The following ASTN2 variants were observed in gnomAD, a reference collection of about 807,000 sequenced individuals.
ASTN2 encodes the protein astrotactin-2.
A neutral mutation model predicts 139.8 loss-of-function variants in ASTN2; 54 were observed. The observed-to-expected ratio is 0.39, with a 90% CI of 0.31 to 0.48. ASTN2 has a LOEUF of 0.48. Among genes scored for constraint, ASTN2 ranks in the 20% least tolerant of loss-of-function variants. The probability of loss-of-function intolerance (pLI) is 0.95; values close to 1 mark genes in which losing one functional copy is unlikely to be tolerated. For missense variants in ASTN2, 1,565 were observed against 1,725.1 expected (o/e 0.91, Z 1.64); for synonymous variants, 756 against 719.5 (o/e 1.05, Z -0.81).
At chr9:117,224,619 G>A (rs960148930) in intron 2 of ASTN2, among the ~76,000 whole-genome samples, 5 of 152,180 alleles carry the variant, frequency 3.3e-5, no homozygotes, top group Non-Finnish European at 7.4e-5. Flanking sequence ...AAACTGGAAA[G>A]CGTTTTGGAA....
intron 5 of ASTN2, among the ~76,000 whole-genome samples, chr9:117,040,993 C>A (rs1408593185): frequency 6.6e-6 from 1 of 152,112 alleles, no homozygotes; most frequent in Non-Finnish European, 1.5e-5. Flanking sequence ...CAAGCTTATC[C>A]ATAGCTAATT....
chr9:117,256,229 A>G (rs929211532), intron 2 of ASTN2, among the ~76,000 whole-genome samples: 3 of 151,962 alleles, frequency 2.0e-5, no homozygotes, highest in African/African-American at 4.8e-5. Context: ...TCCTCCTCCT[A>G]TGCTTTCCAG....
At chr9:116,878,956 T>C (rs1330418915) in intron 10 of ASTN2, among the ~76,000 whole-genome samples, 2 of 151,848 alleles carry the variant, frequency 1.3e-5, no homozygotes, top group Non-Finnish European at 2.9e-5. Context: ...AGCCAGCACC[T>C]TCCCCTGGTT....
At chr9:116,853,185 A>G (rs994381883) in intron 11 of ASTN2, among the ~76,000 whole-genome samples, 10 of 152,196 alleles carry the variant, frequency 6.6e-5, no homozygotes, top group Non-Finnish European at 1.3e-4. Context: ...GTGAGTAGTT[A>G]AGAAAGGGGG....
At chr9:117,235,877 C>A (rs1158772625) in intron 2 of ASTN2, among the ~76,000 whole-genome samples, 13 of 152,260 alleles carry the variant, frequency 8.5e-5, no homozygotes, top group African/African-American at 3.1e-4. Context: ...AGTTTGCAGA[C>A]CTGTGAAACA....
At chr9:116,595,354 G>T (rs1854522045) in intron 19 of ASTN2, among the ~76,000 whole-genome samples, 1 of 152,224 alleles carries the variant, frequency 6.6e-6, no homozygotes, top group African/African-American at 2.4e-5. Flanking sequence ...TTGAGACGGA[G>T]TCTCACTCTG....
chr9:116,453,747 T>C (rs1848247377), intron 20 of ASTN2, among the ~76,000 whole-genome samples: 1 of 152,190 alleles, frequency 6.6e-6, no homozygotes, highest in Non-Finnish European at 1.5e-5. Context: ...ATCAAATCCC[T>C]GCACAAAGGC....
intron 13 of ASTN2, among the ~76,000 whole-genome samples, chr9:116,740,663 C>A (rs1435776406): frequency 1.3e-5 from 2 of 151,846 alleles, no homozygotes; most frequent in African/African-American, 4.8e-5. Context: ...CAGGCGCCCA[C>A]CACCACGCTC....
At chr9:117,311,194 A>T (rs149555801) in intron 1 of ASTN2, among the ~76,000 whole-genome samples, 307 of 150,838 alleles carry the variant, frequency 2.0e-3, no homozygotes, top group Middle Eastern at 3.4e-3. Context: ...TGCATCAGGC[A>T]TAGAGGCAAG....
intron 11 of ASTN2, among the ~76,000 whole-genome samples, chr9:116,844,953 C>A (rs2132311909): frequency 6.6e-6 from 1 of 152,302 alleles, no homozygotes; most frequent in South Asian, 2.1e-4. Context: ...AAGGCCCACA[C>A]TTCTATGAGA....
intron 19 of ASTN2, among the ~76,000 whole-genome samples, chr9:116,496,110 C>T (rs1849661586): frequency 6.6e-6 from 1 of 152,202 alleles, no homozygotes; most frequent in Admixed American, 6.5e-5. Context: ...ACAGGAGCAT[C>T]CACTATCACC....
intron 5 of ASTN2, among the ~76,000 whole-genome samples, chr9:117,087,699 C>T (rs530611500): frequency 6.6e-6 from 1 of 152,290 alleles, no homozygotes; most frequent in East Asian, 1.9e-4. Context: ...TCATTTAATC[C>T]TCATAACAAG....
chr9:116,426,133 A>C (rs200472953), intron 22 of ASTN2, 45 bp from the exon 23 acceptor site: 19 of 1,602,066 alleles, frequency 1.2e-5, no homozygotes, highest in Non-Finnish European at 1.6e-5. Context: ...AGTCCAGATC[A>C]AGAGTTAGAC....
chr9:116,713,957 T>G (rs916961343), intron 16 of ASTN2, among the ~76,000 whole-genome samples: 3 of 152,164 alleles, frequency 2.0e-5, no homozygotes, highest in Non-Finnish European at 4.4e-5. Flanking sequence ...CTTGAGCAGA[T>G]AAGTTTTCAC....
intron 22 of ASTN2, among the ~76,000 whole-genome samples, chr9:116,429,704 A>G (rs1847435450): frequency 6.6e-6 from 1 of 152,168 alleles, no homozygotes; most frequent in Non-Finnish European, 1.5e-5. Context: ...GATATGAACT[A>G]GTTTAAGCCT....
At chr9:116,526,939 AC>A (rs1324133957) in intron 19 of ASTN2, among the ~76,000 whole-genome samples, 3 of 152,234 alleles carry the variant, frequency 2.0e-5, no homozygotes, top group Non-Finnish European at 4.4e-5. Flanking sequence ...AGAATACACA[AC>A]AGAGAAAGGA....
intron 13 of ASTN2, among the ~76,000 whole-genome samples, chr9:116,801,448 G>A (rs1830844614): frequency 6.6e-6 from 1 of 151,592 alleles, no homozygotes; most frequent in Admixed American, 6.6e-5. Context: ...CAGGTGTGGT[G>A]TGTGCCTGTA....
At chr9:117,306,596 A>G (rs1835005200) in intron 1 of ASTN2, among the ~76,000 whole-genome samples, 1 of 152,220 alleles carries the variant, frequency 6.6e-6, no homozygotes, top group Non-Finnish European at 1.5e-5. Flanking sequence ...GAATGCTGTT[A>G]GTAAAGATGC....
chr9:117,158,112 A>G (rs1177683075), intron 3 of ASTN2, among the ~76,000 whole-genome samples: 1 of 152,080 alleles, frequency 6.6e-6, no homozygotes. Context: ...AGAAAAAATT[A>G]AGCCTATAAT....
Sources: gnomAD v4.1 joint callset for allele counts (sites outside exome capture counted in the v4.1 genomes callset) on GRCh38, gnomAD v4.1.1 for gene constraint, MANE v1.5 for transcripts, NCBI Gene and HGNC (gene_info 2026-07-23, HGNC 2026-07-21) for gene names.